The following FAM135B variants were observed in gnomAD, a reference collection of about 807,000 sequenced individuals.
The protein encoded by FAM135B is family with sequence similarity 135 member B, also known as protein FAM135B.
A neutral mutation model predicts 127.7 loss-of-function variants in FAM135B; 43 were observed. The ratio of observed to expected loss-of-function variants is 0.34; its 90% CI spans 0.26 to 0.43. FAM135B has a LOEUF of 0.43. Among genes scored for constraint, FAM135B ranks in the 20% least tolerant of loss-of-function variants. FAM135B has a pLI of 1.00. For synonymous variants in FAM135B, 670 were observed against 665.1 expected, an observed-to-expected ratio of 1.01 and a Z score of -0.11; for missense variants, 1,558 against 1,725.6, an observed-to-expected ratio of 0.90 and a Z score of 1.72.
chr8:138,460,514 T>C (rs1802977581), intron 1 of FAM135B, among the ~76,000 whole-genome samples: 1 of 152,178 alleles, frequency 6.6e-6, no homozygotes, highest in Non-Finnish European at 1.5e-5. Flanking sequence ...GCAGGGACTG[T>C]CTAACCCAAG....
At chr8:138,311,364 T>C (rs1441936167) in intron 2 of FAM135B, among the ~76,000 whole-genome samples, 1 of 152,238 alleles carries the variant, frequency 6.6e-6, no homozygotes, top group African/African-American at 2.4e-5. Context: ...CACTGAGTTA[T>C]TCTTGGAAGT....
chr8:138,486,641 C>T lies in FAM135B; in HGVS notation c.-20+10030G>A, dbSNP rs137873604. Among the ~76,000 whole-genome samples the T allele has an allele frequency of 6.8e-3, 1,038 of 152,282 alleles. 9 individuals are homozygous for T. The highest frequency in any genetic ancestry group is 0.01 in the Middle Eastern group (3 of 294). ...CCTCAAGGAGGAAGACTGTGTGGGC[C>T]ATGTGTGTCCCAGGGCATCCTGTGC... On this transcript the variant is annotated intron_variant, in intron 1 of 19. Coordinates refer to ENST00000395297, the MANE Select transcript of FAM135B (RefSeq NM_015912.4).
At chr8:138,372,898 T>G (rs202011217) in intron 1 of FAM135B, among the ~76,000 whole-genome samples, 164 of 542 alleles carry the variant, frequency 0.3, 2 homozygotes, top group East Asian at 0.49. Flanking sequence ...TATGAAGCAA[T>G]GAACTCCCCC....
chr8:138,170,253 G>C lies in FAM135B; in HGVS notation c.1104-2204C>G, dbSNP rs144392867. 7.7e-3 allele frequency among the ~76,000 whole-genome samples: 983 copies of C among 127,792 alleles called. 9 individuals are homozygous for C. Among genetic ancestry groups the C allele is most frequent in the African/African-American group, 0.028 (903 of 32,388 alleles). 83.8% of individuals were successfully genotyped at this position (127,792 alleles called of 152,430 possible). On this transcript the variant is annotated intron_variant, in intron 11 of 19. Coordinates refer to ENST00000395297, the MANE Select transcript of FAM135B (RefSeq NM_015912.4). ...TTTTTTTTTTTTGAGACAGAGTTTC[G>C]CTCTTGTTGCCCAGGCTGGAGTGCA...
At chr8:138,267,221 C>A (rs1823007704) in intron 3 of FAM135B, among the ~76,000 whole-genome samples, 1 of 152,100 alleles carries the variant, frequency 6.6e-6, no homozygotes, top group Non-Finnish European at 1.5e-5. Flanking sequence ...CCTTTCCCAC[C>A]ATGCAAGGAT....
At chr8:138,354,860 G>A (rs919037162) in intron 2 of FAM135B, among the ~76,000 whole-genome samples, 12 of 152,054 alleles carry the variant, frequency 7.9e-5, no homozygotes, top group Non-Finnish European at 1.5e-4. Flanking sequence ...AGCCAAAGGG[G>A]ACTCTTTTCT....
chr8:138,353,001 G>C (rs532944819), intron 2 of FAM135B, among the ~76,000 whole-genome samples: 43 of 152,200 alleles, frequency 2.8e-4, no homozygotes, highest in African/African-American at 1.0e-3. Context: ...CTATGTTCTA[G>C]GCAGGCAATG....
chr8:138,141,812 C>T lies in FAM135B; in HGVS notation c.3639-463G>A, dbSNP rs1251559568. Among the ~76,000 whole-genome samples the T allele has an allele frequency of 6.6e-6, 1 of 152,174 alleles. No individual in the cohort carries two copies. The highest frequency in any genetic ancestry group is 1.5e-5 in the Non-Finnish European group (1 of 68,038). The stretch of plus-strand genomic sequence containing the variant: ...CTGTGTATATATTGAACCACCTGCT[C>T]ACAGCCCATGCTGTTAGACCCCCTC... On this transcript the variant is annotated intron_variant, in intron 16 of 19. Coordinates refer to ENST00000395297, the MANE Select transcript of FAM135B (RefSeq NM_015912.4). The surrounding 1 kb of genome is among the most constrained non-coding windows in gnomAD (Gnocchi z 4.7).
rs1420408311 is a variant in FAM135B at position 138,130,310 on chromosome 8, T to C, written c.*2283A>G. On this transcript the variant is annotated 3_prime_UTR_variant, in exon 20 of 20. Coordinates refer to ENST00000395297, the MANE Select transcript of FAM135B (RefSeq NM_015912.4). The stretch of plus-strand genomic sequence containing the variant: ...GCATGACACGCAACACTCGACACTC[T>C]TATTTACAATATAGAGATGTACTTT... The C allele has an allele frequency of 6.6e-6, 1 of 152,068 alleles. No homozygotes were observed. Among genetic ancestry groups the C allele is most frequent in the Non-Finnish European group, 1.5e-5 (1 of 68,014 alleles). 9.4% of individuals were successfully genotyped at this position (152,068 alleles called of 1,614,324 possible).
Position 138,152,158 on chromosome 8 carries a change from C to T in FAM135B, c.2317G>A (p.Ala773Thr), listed in dbSNP as rs1164532422. The T allele has an allele frequency of 6.2e-7, 1 of 1,613,930 alleles. No homozygotes were observed. The highest frequency in any genetic ancestry group is 1.1e-5 in the South Asian group (1 of 91,062). ...TCCTCTGGGCTACTGATGTGGGGAG[C>T]AGATACAGACTTGGTTAACTTAGTG... ...ALTKLTKSVS[A>T]PHISSPEEAA... The change falls in exon 13 of 20, where the codon GCT becomes ACT. Residue 773 changes from alanine to threonine, a missense_variant. Coordinates refer to ENST00000395297, the MANE Select transcript of FAM135B (RefSeq NM_015912.4).
At chr8:138,250,319 C>T (rs1426585329) in intron 6 of FAM135B, among the ~76,000 whole-genome samples, 1 of 152,198 alleles carries the variant, frequency 6.6e-6, no homozygotes, top group Non-Finnish European at 1.5e-5. Flanking sequence ...TGCCATTGTA[C>T]TCCAGCCTGG....
chr8:138,339,549 G>GA (rs1339435473), intron 2 of FAM135B, among the ~76,000 whole-genome samples: 5 of 152,010 alleles, frequency 3.3e-5, no homozygotes, highest in African/African-American at 2.4e-5. Flanking sequence ...CGTGACATCA[G>GA]AAAAAAGGAG....
chr8:138,379,660 C>G (rs1831714788), intron 1 of FAM135B, among the ~76,000 whole-genome samples: 1 of 152,114 alleles, frequency 6.6e-6, no homozygotes, highest in Non-Finnish European at 1.5e-5. Context: ...GCCAACAAGG[C>G]TGGTTCAGAT....
chr8:138,173,349 T>C (rs1214710093), intron 11 of FAM135B, among the ~76,000 whole-genome samples: 1 of 152,172 alleles, frequency 6.6e-6, no homozygotes, highest in African/African-American at 2.4e-5. Flanking sequence ...CATGTGTTCT[T>C]TAAGATGATG....
intron 7 of FAM135B, among the ~76,000 whole-genome samples, chr8:138,225,862 G>A (rs186431052): frequency 2.2e-4 from 34 of 152,288 alleles, no homozygotes; most frequent in Non-Finnish European, 2.6e-4. Flanking sequence ...AGCTGGCAGG[G>A]TGGTGGTGCA....
Position 138,132,277 on chromosome 8 carries a change from A to T in FAM135B, c.*316T>A. 1 of 312,360 alleles carries T rather than the reference A, an allele frequency of 3.2e-6. No individual in the cohort carries two copies. Among genetic ancestry groups the T allele is most frequent in the South Asian group, 4.1e-5 (1 of 24,640 alleles). The allele number at this position is 312,360 out of a possible 1,614,324, so 19.3% of individuals were successfully genotyped here. On this transcript the variant is annotated 3_prime_UTR_variant, in exon 20 of 20. Transcript: ENST00000395297. The surrounding 1 kb of genome is among the most constrained non-coding windows in gnomAD (Gnocchi z 4.5). ...AATTGGAGTAATCTCTCAGTAAGCC[A>T]GTAGTGGCTAGCAAGGGGAGCTCAC...
In FAM135B at chr8:138,264,856, T is replaced by G. The variant is rs891521301; in HGVS notation, c.297+847A>C. 3.9e-5 allele frequency among the ~76,000 whole-genome samples: 6 copies of G among 152,140 alleles called. No homozygotes were observed. The East Asian group carries it at 1.2e-3, about 29-fold the overall frequency. On this transcript the variant is annotated intron_variant, in intron 4 of 19. Transcript: ENST00000395297. ...GCTGTTGTGCACACCACATGAGGAA[T>G]GCAAGTAGGGGATTTCTAATTAGAA...
chr8:138,256,826 G>T, intron 4 of FAM135B, 67 bp from the exon 5 acceptor site: 1 of 1,197,156 alleles, frequency 8.4e-7, no homozygotes, highest in Non-Finnish European at 1.2e-6. Context: ...TACTTAGCTG[G>T]TCTACTTCCC....
chr8:138,307,997 T>C (rs1307297161), intron 3 of FAM135B, among the ~76,000 whole-genome samples: 1 of 152,198 alleles, frequency 6.6e-6, no homozygotes, highest in East Asian at 1.9e-4. Flanking sequence ...CTCCCATCAC[T>C]GTACATGCAG....
Sources: allele counts gnomAD v4.1 joint callset (sites outside exome capture counted in the v4.1 genomes callset), GRCh38; gene constraint gnomAD v4.1.1; non-coding constraint Gnocchi (gnomAD v3.1); transcripts MANE v1.5; gene names NCBI Gene and HGNC (gene_info 2026-07-23, HGNC 2026-07-21).